TSPAN18: variants seen among roughly 807,000 people sequenced by gnomAD.
TSPAN18 encodes tetraspanin-18.
TSPAN18 carries 14 observed loss-of-function variants against 27.3 expected under a neutral mutation model. That is an observed-to-expected ratio of 0.51 (90% confidence interval 0.34 to 0.80). TSPAN18 has a LOEUF of 0.80. Among genes scored for constraint, TSPAN18 ranks in the 30% least tolerant of loss-of-function variants. The pLI is 0.01. For missense variants in TSPAN18, 268 were observed against 323.9 expected (o/e 0.83, Z 1.32); for synonymous variants, 143 against 136.5 (o/e 1.05, Z -0.33).
At chr11:44,842,357 C>T (rs1418735597) in intron 2 of TSPAN18, among the ~76,000 whole-genome samples, 4 of 152,366 alleles carry the variant, frequency 2.6e-5, no homozygotes, top group East Asian at 1.9e-4. Flanking sequence ...TCTGCCTGAA[C>T]GTGTTTGACC....
chr11:44,727,708 G>C (rs576633408), intron 1 of TSPAN18, among the ~76,000 whole-genome samples: 11 of 152,314 alleles, frequency 7.2e-5, no homozygotes, highest in African/African-American at 2.6e-4. Flanking sequence ...ACCAGGGACT[G>C]GGAGCGGCGA....
intron 1 of TSPAN18, among the ~76,000 whole-genome samples, chr11:44,763,145 A>T (rs2134890359): frequency 6.6e-6 from 1 of 152,326 alleles, no homozygotes; most frequent in South Asian, 2.1e-4. Flanking sequence ...CAGGTTGATC[A>T]TCATTATCAT....
At chr11:44,759,348 T>A (rs1445125476) in intron 1 of TSPAN18, among the ~76,000 whole-genome samples, 1 of 152,164 alleles carries the variant, frequency 6.6e-6, no homozygotes, top group African/African-American at 2.4e-5. Flanking sequence ...TAGGGGGTGA[T>A]GGTGTTTGAC....
At chr11:44,893,391 C>G (rs191308026) in intron 3 of TSPAN18, among the ~76,000 whole-genome samples, 1 of 152,250 alleles carries the variant, frequency 6.6e-6, no homozygotes, top group South Asian at 2.1e-4. Flanking sequence ...TTTTATCCCC[C>G]GCTCAGCTGT....
At chr11:44,755,977 GGA>G (rs550349162) in intron 1 of TSPAN18, among the ~76,000 whole-genome samples, 23 of 152,136 alleles carry the variant, frequency 1.5e-4, no homozygotes, top group Admixed American at 1.3e-3. Flanking sequence ...AAAGAGAGAT[GGA>G]GAGAGAGATG....
chr11:44,860,838 A>G (rs1404227325), intron 3 of TSPAN18, among the ~76,000 whole-genome samples: 1 of 152,208 alleles, frequency 6.6e-6, no homozygotes, highest in Non-Finnish European at 1.5e-5. Flanking sequence ...GGTCAGAAGT[A>G]AAGGTTGGCT....
At chr11:44,896,360 T>C (rs182506664) in intron 3 of TSPAN18, among the ~76,000 whole-genome samples, 33 of 152,224 alleles carry the variant, frequency 2.2e-4, no homozygotes, top group Non-Finnish European at 3.2e-4. Context: ...TTCTCTCTCT[T>C]TTCCCATTGG....
At chr11:44,754,746 C>T (rs56309585) in intron 1 of TSPAN18, among the ~76,000 whole-genome samples, 6,977 of 152,198 alleles carry the variant, frequency 0.046, 235 homozygotes, top group Middle Eastern at 0.1. Flanking sequence ...CTGAGCTGTG[C>T]GGTGTAGGAG....
chr11:44,892,501 G>A (rs1858887510), intron 3 of TSPAN18, among the ~76,000 whole-genome samples: 1 of 152,230 alleles, frequency 6.6e-6, no homozygotes, highest in South Asian at 2.1e-4. Context: ...AGGTTGCCTT[G>A]CCTTCTGACA....
chr11:44,868,476 C>A (rs1346439265), intron 3 of TSPAN18, among the ~76,000 whole-genome samples: 1 of 152,060 alleles, frequency 6.6e-6, no homozygotes, highest in Non-Finnish European at 1.5e-5. Context: ...CCTGGCCTCC[C>A]CACCTCAGTA....
At chr11:44,925,111 A>G (rs920366971) in intron 8 of TSPAN18, among the ~76,000 whole-genome samples, 3 of 152,226 alleles carry the variant, frequency 2.0e-5, no homozygotes, top group Non-Finnish European at 4.4e-5. Flanking sequence ...CCAGTGCCAC[A>G]GCAGAGACAA....
At chr11:44,747,881 C>A (rs1226086302) in intron 1 of TSPAN18, among the ~76,000 whole-genome samples, 2 of 152,182 alleles carry the variant, frequency 1.3e-5, no homozygotes, top group Non-Finnish European at 2.9e-5. Context: ...CACACACACA[C>A]AAACACGTAT....
intron 2 of TSPAN18, among the ~76,000 whole-genome samples, chr11:44,779,004 A>G (rs1855876143): frequency 6.6e-6 from 1 of 152,150 alleles, no homozygotes; most frequent in African/African-American, 2.4e-5. Flanking sequence ...CTATGCAGTA[A>G]GAGCCACAGC....
chr11:44,888,031 G>A (rs1858717491), intron 3 of TSPAN18, among the ~76,000 whole-genome samples: 1 of 152,142 alleles, frequency 6.6e-6, no homozygotes, highest in Non-Finnish European at 1.5e-5. Context: ...GAGGAGGTGA[G>A]GCAGCTCCTG....
intron 2 of TSPAN18, among the ~76,000 whole-genome samples, chr11:44,820,810 G>T (rs1355796398): frequency 6.6e-6 from 1 of 152,048 alleles, no homozygotes; most frequent in African/African-American, 2.4e-5. Context: ...TGCTTTATTA[G>T]TTCATGCAAG....
chr11:44,902,501 A>G (rs1859298977), intron 3 of TSPAN18, among the ~76,000 whole-genome samples: 1 of 152,238 alleles, frequency 6.6e-6, no homozygotes, highest in Non-Finnish European at 1.5e-5. Context: ...TGACGAAGGA[A>G]GAGCCAAAGG....
intron 2 of TSPAN18, among the ~76,000 whole-genome samples, chr11:44,765,982 T>C (rs1034510552): frequency 1.3e-5 from 2 of 152,204 alleles, no homozygotes; most frequent in Non-Finnish European, 2.9e-5. Flanking sequence ...TTCTTGTACA[T>C]GTGCCCTCAA....
chr11:44,806,473 A>G (rs1172066252), intron 2 of TSPAN18, among the ~76,000 whole-genome samples: 1 of 152,228 alleles, frequency 6.6e-6, no homozygotes. Context: ...TGCCAGCCTC[A>G]TTCCTAACAA....
chr11:44,744,483 G>A (rs568237876), intron 1 of TSPAN18, among the ~76,000 whole-genome samples: 19 of 152,292 alleles, frequency 1.2e-4, no homozygotes, highest in Admixed American at 1.2e-3. Flanking sequence ...GAGAGCTCTG[G>A]CTTAGAAATG....
Sources: gnomAD v4.1 joint callset for allele counts (sites outside exome capture counted in the v4.1 genomes callset) on GRCh38, gnomAD v4.1.1 for gene constraint, MANE v1.5 for transcripts, NCBI Gene and HGNC (gene_info 2026-07-23, HGNC 2026-07-21) for gene names.